SNX6: variants seen among roughly 807,000 people sequenced by gnomAD.
SNX6 encodes sorting nexin-6.
SNX6 carries 34 observed loss-of-function variants against 63.0 expected under a neutral mutation model. The observed-to-expected ratio is 0.54, with a 90% CI of 0.41 to 0.72. SNX6 has a LOEUF of 0.72. Among genes scored for constraint, SNX6 ranks in the 30% least tolerant of loss-of-function variants. SNX6 has a pLI of 0.00. For missense variants in SNX6, 398 were observed against 471.4 expected (o/e 0.84, Z 1.44); for synonymous variants, 170 against 164.2 (o/e 1.04, Z -0.27).
chr14:34,603,285 C>CAA (rs887998953), intron 6 of SNX6, 63 bp downstream of exon 6: 366 of 1,158,190 alleles, frequency 3.2e-4, no homozygotes, highest in East Asian at 9.2e-4. Flanking sequence ...GATTCCGTCT[C>CAA]AAAAAAAAAA....
At chr14:34,603,687 T>C (rs1441334837) in intron 5 of SNX6, among the ~76,000 whole-genome samples, 1 of 152,150 alleles carries the variant, frequency 6.6e-6, no homozygotes, top group South Asian at 2.1e-4. Flanking sequence ...AATATTTATA[T>C]CTAAATGTTA....
intron 2 of SNX6, among the ~76,000 whole-genome samples, chr14:34,620,974 C>T (rs1419969183): frequency 1.3e-5 from 2 of 151,918 alleles, no homozygotes; most frequent in African/African-American, 4.8e-5. Context: ...TGGTGACGGG[C>T]GTCTCACTCT....
intron 10 of SNX6, 38 bp downstream of exon 10, chr14:34,581,523 C>T: frequency 8.7e-7 from 1 of 1,152,844 alleles, no homozygotes; most frequent in Non-Finnish European, 1.2e-6. Flanking sequence ...TCTCTGGGCA[C>T]AATATTATGC....
At chr14:34,607,845 T>C (rs1451125913) in intron 4 of SNX6, among the ~76,000 whole-genome samples, 185 bp downstream of exon 4, 1 of 152,020 alleles carries the variant, frequency 6.6e-6, no homozygotes, top group African/African-American at 2.4e-5. Flanking sequence ...GAGGCAGAGG[T>C]TGCAGTGAGC....
At chr14:34,601,222 T>TTC (rs1256604137) in intron 6 of SNX6, among the ~76,000 whole-genome samples, 5 of 5,200 alleles carry the variant, frequency 9.6e-4, no homozygotes, top group African/African-American at 1.7e-3. Context: ...CCTATTTCTT[T>TTC]TTTTTTTTTT....
At chr14:34,623,079 T>C (rs1883687155) in intron 2 of SNX6, among the ~76,000 whole-genome samples, 1 of 152,210 alleles carries the variant, frequency 6.6e-6, no homozygotes, top group Non-Finnish European at 1.5e-5. Flanking sequence ...TACACTGTGA[T>C]GGTCTCAGGG....
intron 2 of SNX6, among the ~76,000 whole-genome samples, chr14:34,615,616 CTTTT>C (rs201318699): frequency 6.6e-6 from 1 of 151,688 alleles, no homozygotes; most frequent in Non-Finnish European, 1.5e-5. Context: ...TTCTCCTTTT[CTTTT>C]TTTTTCCCCT....
At position 34,604,100 on chromosome 14, in the gene SNX6, T is replaced by C. The variant is rs1433526856; in HGVS notation, c.393-629A>G. On this transcript the variant is annotated intron_variant, in intron 5 of 13. Transcript: ENST00000362031. The stretch of plus-strand genomic sequence containing the variant: ...CAAGGAAAAGGCTTGATATTCTTGC[T>C]TCAACTACGTGCAAGAAGGATAAGT... The C allele has an allele frequency of 3.4e-6, 4 of 1,185,788 alleles. No individual in the cohort carries two copies. In the South Asian group the frequency reaches 4.6e-5, roughly 14 times the overall value. The allele number at this position is 1,185,788 out of a possible 1,614,324, so 73.5% of individuals were successfully genotyped here. A position where few individuals can be genotyped will look rare whatever the true frequency, so the allele number is the denominator to read the frequency against.
Position 34,574,731 on chromosome 14 carries a change from T to G in SNX6, c.921+1025A>C, listed in dbSNP as rs541177937. ...GAAGAAATATACCAAATTCATTTTTTTTTTAAGACGGAGTTGGGGTTTCTC... is the reference window on the plus strand; with the variant it reads ...GAAGAAATATACCAAATTCATTTTTGTTTTAAGACGGAGTTGGGGTTTCTC... On this transcript the variant is annotated intron_variant, in intron 11 of 13. Coordinates refer to ENST00000362031, the MANE Select transcript of SNX6 (RefSeq NM_152233.4). Among the ~76,000 whole-genome samples the G allele has an allele frequency of 2.0e-4, 31 of 152,192 alleles. 1 individual carries two copies. The Middle Eastern group carries it at 0.014, about 67-fold the overall frequency.
intron 4 of SNX6, among the ~76,000 whole-genome samples, chr14:34,605,935 A>G (rs1882998412): frequency 1.3e-5 from 2 of 152,036 alleles, no homozygotes; most frequent in Non-Finnish European, 2.9e-5. Flanking sequence ...GCACTTTGGG[A>G]GGCTGAGGTG....
chr14:34,603,080 A>C (rs550355237), intron 6 of SNX6, among the ~76,000 whole-genome samples: 1 of 151,698 alleles, frequency 6.6e-6, no homozygotes, highest in South Asian at 2.1e-4. Context: ...GATCGAGACC[A>C]TTCTGGCTAA....
chr14:34,577,902 A>G (rs1194360500), intron 10 of SNX6, among the ~76,000 whole-genome samples: 1 of 152,160 alleles, frequency 6.6e-6, no homozygotes, highest in East Asian at 1.9e-4. Context: ...ACTTTAAGCA[A>G]TGTAGAAAAT....
intron 2 of SNX6, among the ~76,000 whole-genome samples, chr14:34,618,106 T>G (rs1594748867): frequency 6.6e-6 from 1 of 152,126 alleles, no homozygotes; most frequent in East Asian, 1.9e-4. Context: ...AAAATAACTT[T>G]GACTCTTACA....
At chr14:34,621,998 G>A (rs1158194161) in intron 2 of SNX6, among the ~76,000 whole-genome samples, 7 of 115,356 alleles carry the variant, frequency 6.1e-5, no homozygotes, top group South Asian at 2.7e-4. Flanking sequence ...CACTCTTGTC[G>A]CCCAGGCTGG....
intron 8 of SNX6, among the ~76,000 whole-genome samples, chr14:34,590,410 G>A (rs574056539): frequency 2.7e-5 from 4 of 147,586 alleles, no homozygotes; most frequent in South Asian, 2.1e-4. Context: ...CAGCCTGGGC[G>A]ACAGAGCAAG....
intron 2 of SNX6, 108 bp downstream of exon 2, chr14:34,629,799 G>A: frequency 6.7e-7 from 1 of 1,485,108 alleles, no homozygotes; most frequent in Non-Finnish European, 9.1e-7. Context: ...GAGGACTACG[G>A]GGAGGGAGTG....
chr14:34,584,672 C>T (rs1882077616), intron 9 of SNX6, among the ~76,000 whole-genome samples: 1 of 151,924 alleles, frequency 6.6e-6, no homozygotes, highest in Non-Finnish European at 1.5e-5. Flanking sequence ...AACACTCTAA[C>T]ATAAATTCGG....
Position 34,575,826 on chromosome 14 carries a change from A to T in SNX6, c.851T>A (p.Val284Glu). The part of the protein sequence containing the change: ...FDKTRKIEAR[V>E]SADEDLKLSD... ...AAGTTTGAGGTCTTCATCAGCAGAC[A>T]CTCGTGCTTCTATTTTCTGAAAAGA... The change falls in exon 11 of 14, where the codon GTG becomes GAG. Residue 284 changes from valine (V) to glutamate (E), a missense_variant. By Grantham distance (121) the Val-to-Glu change is moderately radical. Coordinates refer to ENST00000362031, the MANE Select transcript of SNX6 (RefSeq NM_152233.4). 1 of 1,585,100 alleles carries T rather than the reference A, an allele frequency of 6.3e-7. No homozygotes were observed. Among genetic ancestry groups the T allele is most frequent in the Non-Finnish European group, 8.6e-7 (1 of 1,165,228 alleles).
chr14:34,583,713 T>C (rs1882037217), intron 9 of SNX6, among the ~76,000 whole-genome samples: 1 of 152,152 alleles, frequency 6.6e-6, no homozygotes, highest in Non-Finnish European at 1.5e-5. Flanking sequence ...CAAATACTAC[T>C]CAAAGCAAAA....
Sources: allele counts gnomAD v4.1 joint callset (sites outside exome capture counted in the v4.1 genomes callset), GRCh38; gene constraint gnomAD v4.1.1; transcripts MANE v1.5; gene names NCBI Gene and HGNC (gene_info 2026-07-23, HGNC 2026-07-21).